The following XPO6 variants were observed in gnomAD, a reference collection of about 807,000 sequenced individuals.
The protein encoded by XPO6 is exportin-6.
Under a neutral mutation model 130.0 loss-of-function variants are expected in XPO6, and 3 were observed. The observed-to-expected ratio is 0.02, with a 90% CI of 0.01 to 0.06. The LOEUF (loss-of-function observed/expected upper bound fraction) is 0.06. Ranked by LOEUF, XPO6 falls within the 10% of genes least tolerant of loss-of-function variation. The pLI, the probability that XPO6 is intolerant of heterozygous loss-of-function variation, is 1.00. For missense variants in XPO6, 970 were observed against 1,393.0 expected (o/e 0.70, Z 4.83); for synonymous variants, 524 against 548.9 (o/e 0.95, Z 0.63).
At position 28,154,215 on chromosome 16, in the gene XPO6, T is replaced by C. The variant is rs981933695; in HGVS notation, c.1098-1430A>G. 8.3e-5 allele frequency: 81 copies of C among 978,246 alleles called. No individual in the cohort carries two copies. The Middle Eastern group carries it at 2.1e-3, about 26-fold the overall frequency. 60.6% of individuals were successfully genotyped at this position (978,246 alleles called of 1,614,324 possible). ...TATTCAAAGTCACCACCCAGCTGAC[T>C]GTTCTTTAGGAAGGTGCACTCAATT... On this transcript the variant is annotated intron_variant, in intron 7 of 23. Transcript: ENST00000304658.
intron 1 of XPO6, among the ~76,000 whole-genome samples, chr16:28,195,102 A>G (rs2043839196): frequency 6.6e-6 from 1 of 151,866 alleles, no homozygotes; most frequent in Non-Finnish European, 1.5e-5. Flanking sequence ...CTGAAATTAC[A>G]TCTTTCACTC....
At chr16:28,109,461 G>A (rs1388016903) in intron 17 of XPO6, among the ~76,000 whole-genome samples, 1 of 152,058 alleles carries the variant, frequency 6.6e-6, no homozygotes, top group East Asian at 1.9e-4. Flanking sequence ...CCAATGGACA[G>A]ACTGGCAGGC....
chr16:28,211,347 G>C lies in XPO6; in HGVS notation c.3+19C>G. ...CGGTAGGGCACCCCAGGAGGGAAGG[G>C]GGCTCCAATTCCACTTACCATGCTG... On this transcript the variant is annotated intron_variant, in intron 1 of 23. Coordinates refer to ENST00000304658, the MANE Select transcript of XPO6 (RefSeq NM_015171.4). The C allele has an allele frequency of 1.5e-6, 2 of 1,312,428 alleles. No individual in the cohort carries two copies. The highest frequency in any genetic ancestry group is 2.0e-6 in the Non-Finnish European group (2 of 1,021,640). The allele number at this position is 1,312,428 out of a possible 1,614,324, so 81.3% of individuals were successfully genotyped here. A position where few individuals can be genotyped will look rare whatever the true frequency, so the allele number is the denominator to read the frequency against.
At chr16:28,125,961 G>A (rs1416906216) in intron 12 of XPO6, 113 bp from the exon 13 acceptor site, 25 of 1,360,450 alleles carry the variant, frequency 1.8e-5, no homozygotes, top group African/African-American at 2.9e-5. Context: ...AAACCAATTC[G>A]CGAAACAAAG....
At chr16:28,191,963 A>G (rs2043793367) in intron 1 of XPO6, among the ~76,000 whole-genome samples, 3 of 152,206 alleles carry the variant, frequency 2.0e-5, no homozygotes, top group Admixed American at 2.0e-4. Flanking sequence ...GGCATTTTAA[A>G]TAAGTTAACA....
chr16:28,101,597 A>G lies in XPO6; in HGVS notation c.3137T>C (p.Ile1046Thr). The G allele has an allele frequency of 1.2e-6, 2 of 1,614,148 alleles. No homozygotes were observed. Among genetic ancestry groups the G allele is most frequent in the Non-Finnish European group, 1.7e-6 (2 of 1,180,022 alleles). ...GGCCATGTTGTAGATGGCGATGCCA[A>G]TCTCCTCCTGCAGAAGATCATGGGA... is the stretch of plus-strand genomic sequence containing the variant. ...HKSHDLLQEEIGIAIYNMASV... is the reference protein window; with the variant it reads ...HKSHDLLQEETGIAIYNMASV... The change falls in exon 23 of 24, where the codon ATT (isoleucine) becomes ACT (threonine). Residue 1046 changes from isoleucine (I) to threonine (T), a missense_variant. By Grantham distance (89) the Ile-to-Thr change is moderately conservative (BLOSUM62 -1). Transcript: ENST00000304658. The surrounding 1 kb of genome is among the most constrained non-coding windows in gnomAD (Gnocchi z 5.4).
chr16:28,138,477 C>T (rs994838299), intron 9 of XPO6, among the ~76,000 whole-genome samples: 12 of 152,136 alleles, frequency 7.9e-5, no homozygotes, highest in Admixed American at 1.3e-4. Flanking sequence ...AAACCCGTAT[C>T]GCTTAGAAAA....
chr16:28,197,872 T>G (rs1044438329), intron 1 of XPO6, among the ~76,000 whole-genome samples: 4 of 124,106 alleles, frequency 3.2e-5, no homozygotes, highest in Non-Finnish European at 6.3e-5. Flanking sequence ...TGAGCCAAGA[T>G]CACGCCACCG....
At chr16:28,126,408 T>C (rs1208994872) in intron 12 of XPO6, among the ~76,000 whole-genome samples, 1 of 152,058 alleles carries the variant, frequency 6.6e-6, no homozygotes, top group Non-Finnish European at 1.5e-5. Context: ...CAGTATGAAA[T>C]AAAGAGTATG....
intron 1 of XPO6, among the ~76,000 whole-genome samples, chr16:28,199,884 C>T (rs1349570847): frequency 6.7e-6 from 1 of 149,206 alleles, no homozygotes; most frequent in Non-Finnish European, 1.5e-5. Context: ...GGGCCGGGCA[C>T]GGTGGCTCAC....
chr16:28,161,957 T>A (rs1304712073), intron 6 of XPO6, among the ~76,000 whole-genome samples: 2 of 152,150 alleles, frequency 1.3e-5, no homozygotes, highest in East Asian at 1.9e-4. Context: ...TGTATTAAAG[T>A]GAAAAAATAA....
chr16:28,098,357 C>T lies in XPO6; in HGVS notation c.*181G>A, dbSNP rs1388115374. The T allele has an allele frequency of 1.7e-6, 1 of 578,810 alleles. No individual in the cohort carries two copies. Among genetic ancestry groups the T allele is most frequent in the Admixed American group, 3.0e-5 (1 of 32,970 alleles). 35.9% of individuals were successfully genotyped at this position (578,810 alleles called of 1,614,324 possible). On this transcript the variant is annotated 3_prime_UTR_variant, in exon 24 of 24. Transcript: ENST00000304658. ...GCACCGTCCAGTGCTCAGGTGGACCCAGAAGCCAGCTCTGCTGGGCAGCGG... is the reference window on the plus strand; with the variant it reads ...GCACCGTCCAGTGCTCAGGTGGACCTAGAAGCCAGCTCTGCTGGGCAGCGG...
chr16:28,197,181 G>A (rs570878814), intron 1 of XPO6, among the ~76,000 whole-genome samples: 2 of 152,096 alleles, frequency 1.3e-5, no homozygotes, highest in Admixed American at 6.5e-5. Flanking sequence ...AAATCCGGGA[G>A]ACAGAGGTTG....
intron 5 of XPO6, chr16:28,166,905 C>CAT (rs1460689726): frequency 4.8e-6 from 4 of 837,524 alleles, no homozygotes; most frequent in Non-Finnish European, 5.8e-6. Context: ...TGTGGCATTA[C>CAT]AGGCCATTGC....
intron 3 of XPO6, 71 bp downstream of exon 3, chr16:28,177,149 C>G (rs968894774): frequency 9.9e-7 from 1 of 1,009,798 alleles, no homozygotes; most frequent in Non-Finnish European, 1.5e-6. Flanking sequence ...CAGCTCTAGT[C>G]TAGTGCTAAT....
chr16:28,122,784 A>G (rs1319613891), intron 13 of XPO6, among the ~76,000 whole-genome samples: 5 of 152,130 alleles, frequency 3.3e-5, no homozygotes, highest in African/African-American at 1.2e-4. Context: ...TTGATACATA[A>G]TAAAAAAAAT....
intron 1 of XPO6, among the ~76,000 whole-genome samples, chr16:28,210,710 T>A (rs1057023076): frequency 6.6e-6 from 1 of 152,168 alleles, no homozygotes; most frequent in African/African-American, 2.4e-5. Context: ...GGAAGGTAGC[T>A]TCAGCAGAGA....
At chr16:28,099,504 T>C (rs1237205818) in intron 23 of XPO6, among the ~76,000 whole-genome samples, 1 of 152,252 alleles carries the variant, frequency 6.6e-6, no homozygotes, top group African/African-American at 2.4e-5. Flanking sequence ...AGCAATCTGC[T>C]TCTGGGGAGT....
rs967996195 is a variant in XPO6 at position 28,112,792 on chromosome 16, G to C, written c.2151+112C>G. The C allele has an allele frequency of 6.6e-6, 9 of 1,372,920 alleles. No homozygotes were observed. In the African/African-American group the frequency reaches 1.3e-4, roughly 20 times the overall value. 85.0% of individuals were successfully genotyped at this position (1,372,920 alleles called of 1,614,324 possible). A position where few individuals can be genotyped will look rare whatever the true frequency, so the allele number is the denominator to read the frequency against. On this transcript the variant is annotated intron_variant, in intron 16 of 23. Transcript: ENST00000304658. Reference sequence around the variant, plus strand: ...CACAATAAGAAATCTGTCTATGCTGGTACAGCCTGTAAGCTCTGAGTACAA... The same window carrying C: ...CACAATAAGAAATCTGTCTATGCTGCTACAGCCTGTAAGCTCTGAGTACAA...
Sources: gnomAD v4.1 joint callset for allele counts (sites outside exome capture counted in the v4.1 genomes callset) on GRCh38, gnomAD v4.1.1 for gene constraint, Gnocchi (gnomAD v3.1) non-coding constraint, MANE v1.5 for transcripts, NCBI Gene and HGNC (gene_info 2026-07-23, HGNC 2026-07-21) for gene names.